The following ACSL4 variants were observed in gnomAD, a reference collection of about 807,000 sequenced individuals.
The protein encoded by ACSL4 is acyl-CoA synthetase long chain family member 4.
Under a neutral mutation model 49.1 loss-of-function variants are expected in ACSL4, and 9 were observed. That is an observed-to-expected ratio of 0.18 (90% CI 0.11 to 0.32). The LOEUF is 0.32. ACSL4 is among the 10% of genes least tolerant of loss of function. The pLI is 1.00. For synonymous variants in ACSL4, 191 were observed against 170.3 expected (o/e 1.12, Z -0.95); for missense variants, 333 against 493.7 (o/e 0.67, Z 3.08).
chrX:109,654,805 G>T (rs929009171), intron 15 of ACSL4, among the ~76,000 whole-genome samples: 1 of 111,976 alleles, frequency 8.9e-6, no homozygotes, highest in East Asian at 2.8e-4. Context: ...AAGTTCTCCC[G>T]CACCCTATGC....
intron 1 of ACSL4, among the ~76,000 whole-genome samples, chrX:109,723,468 C>T (rs913737145): frequency 7.2e-5 from 8 of 111,519 alleles, no homozygotes; most frequent in African/African-American, 2.6e-4. Context: ...TGGTATACAA[C>T]TGTTCTTTGA....
intron 1 of ACSL4, among the ~76,000 whole-genome samples, chrX:109,696,877 T>C (rs1287941889): frequency 9.0e-6 from 1 of 111,217 alleles, no homozygotes; most frequent in Non-Finnish European, 1.9e-5. Flanking sequence ...ACCCCATCTC[T>C]ACTAAAAATA....
intron 1 of ACSL4, among the ~76,000 whole-genome samples, chrX:109,719,316 G>A (rs1338439348): frequency 9.0e-6 from 1 of 111,191 alleles, no homozygotes; most frequent in Admixed American, 9.5e-5. Context: ...CCCACCACTA[G>A]AATGTTCTCC....
At chrX:109,729,209 G>A (rs947416315) in intron 1 of ACSL4, among the ~76,000 whole-genome samples, 7 of 110,024 alleles carry the variant, frequency 6.4e-5, no homozygotes, top group Admixed American at 1.9e-4. Flanking sequence ...GCGAGACTCC[G>A]TCTCAAAAAA....
chrX:109,688,679 T>A (rs1187384807), intron 2 of ACSL4, among the ~76,000 whole-genome samples: 2 of 111,476 alleles, frequency 1.8e-5, no homozygotes, highest in African/African-American at 3.3e-5. Context: ...AAAGGTCAAT[T>A]AAAGCTCAGT....
chrX:109,693,128 A>G (rs1791330843), intron 2 of ACSL4, among the ~76,000 whole-genome samples: 1 of 111,676 alleles, frequency 9.0e-6, no homozygotes, highest in Admixed American at 9.6e-5. Flanking sequence ...TAGTTTGTCA[A>G]TGTTCTTTTC....
At chrX:109,698,330 C>T (rs967014024) in intron 1 of ACSL4, among the ~76,000 whole-genome samples, 12 of 111,652 alleles carry the variant, frequency 1.1e-4, no homozygotes, top group Admixed American at 5.7e-4. Context: ...CTCCTAGTCT[C>T]CTCCTACAAA....
At chrX:109,710,827 T>TATA (rs1230202199) in intron 1 of ACSL4, among the ~76,000 whole-genome samples, 2 of 111,807 alleles carry the variant, frequency 1.8e-5, no homozygotes, top group Admixed American at 1.9e-4. Context: ...CCTCCTGCCT[T>TATA]AGCCTCCTAT....
intron 15 of ACSL4, among the ~76,000 whole-genome samples, chrX:109,657,124 T>A (rs1337082562): frequency 8.9e-6 from 1 of 112,035 alleles, no homozygotes; most frequent in Non-Finnish European, 1.9e-5. Context: ...TCCCCGAGTC[T>A]ATAGCAGAGT....
At chrX:109,722,086 T>G (rs1927605783) in intron 1 of ACSL4, among the ~76,000 whole-genome samples, 1 of 112,032 alleles carries the variant, frequency 8.9e-6, no homozygotes, top group African/African-American at 3.2e-5. Context: ...GTCTACCAGG[T>G]AGAATCTTGT....
At chrX:109,722,542 A>C (rs1487798909) in intron 1 of ACSL4, among the ~76,000 whole-genome samples, 1 of 111,946 alleles carries the variant, frequency 8.9e-6, no homozygotes, top group Non-Finnish European at 1.9e-5. Flanking sequence ...AAAGCTTCCT[A>C]ATGATATTTT....
At chrX:109,714,690 C>T (rs1926991669) in intron 1 of ACSL4, among the ~76,000 whole-genome samples, 2 of 111,988 alleles carry the variant, frequency 1.8e-5, no homozygotes, top group African/African-American at 3.2e-5. Flanking sequence ...CAACTGCCTA[C>T]AGTATTCAAT....
At chrX:109,722,368 T>C (rs1927623105) in intron 1 of ACSL4, among the ~76,000 whole-genome samples, 1 of 112,013 alleles carries the variant, frequency 8.9e-6, no homozygotes, top group Non-Finnish European at 1.9e-5. Context: ...AAAGGTTATG[T>C]TGCCACAGAT....
At position 109,691,734 on chromosome X, in the gene ACSL4, AAT is replaced by A. The variant is rs1374215950; in HGVS notation, c.-13+4408_-13+4409del. ...TCTGCAAGACGAAATAATCATGTAA[AAT>A]ATATGTATCATTACGGCACTTGTCT... On this transcript the variant is annotated intron_variant, in intron 2 of 15. Transcript: ENST00000672401. Among the ~76,000 whole-genome samples the A allele has an allele frequency of 4.4e-5, 5 of 112,477 alleles. No homozygotes were observed. In the East Asian group the frequency reaches 1.4e-3, roughly 31 times the overall value.
chrX:109,653,966 A>T (rs781153395), intron 15 of ACSL4, among the ~76,000 whole-genome samples: 72 of 109,759 alleles, frequency 6.6e-4, no homozygotes, highest in South Asian at 1.5e-3. Flanking sequence ...AATAATTTTT[A>T]AAAAAATTTA....
At chrX:109,681,229 A>G (rs773955761) in intron 5 of ACSL4, 37 bp downstream of exon 5, 1 of 1,200,827 alleles carries the variant, frequency 8.3e-7, no homozygotes. Context: ...CCTGCCAGAC[A>G]ACGCAACCAT....
intron 1 of ACSL4, among the ~76,000 whole-genome samples, chrX:109,725,865 T>G (rs1440893318): frequency 8.9e-6 from 1 of 111,844 alleles, no homozygotes; most frequent in East Asian, 2.8e-4. Context: ...TTGTTTTCAT[T>G]AACTCTTCTC....
At chrX:109,657,490 A>T (rs1229022612) in intron 15 of ACSL4, among the ~76,000 whole-genome samples, 4 of 108,879 alleles carry the variant, frequency 3.7e-5, no homozygotes, top group Non-Finnish European at 7.6e-5. Flanking sequence ...TCCTTGCGAT[A>T]GTTTGCTGAG....
intron 9 of ACSL4, among the ~76,000 whole-genome samples, chrX:109,673,933 CT>C (rs1179809182): frequency 9.0e-6 from 1 of 110,776 alleles, no homozygotes; most frequent in African/African-American, 3.3e-5. Flanking sequence ...TAGAATTAAA[CT>C]TTTTTCCTTT....
Sources: gnomAD v4.1 joint callset for allele counts (sites outside exome capture counted in the v4.1 genomes callset) on GRCh38, gnomAD v4.1.1 for gene constraint, MANE v1.5 for transcripts, NCBI Gene and HGNC (gene_info 2026-07-23, HGNC 2026-07-21) for gene names.